Variants in PLEKHF2 observed in about 807,000 individuals in gnomAD.
PLEKHF2 encodes pleckstrin homology domain-containing family F member 2.
In PLEKHF2, 4 loss-of-function variants were observed where a neutral mutation model predicts 14.7. The ratio of observed to expected loss-of-function variants is 0.27; its 90% CI spans 0.13 to 0.62. The LOEUF (loss-of-function observed/expected upper bound fraction) is 0.62. PLEKHF2 is among the 20% of genes least tolerant of loss of function. The pLI, the probability that PLEKHF2 is intolerant of heterozygous loss-of-function variation, is 0.85. For synonymous variants in PLEKHF2, 90 were observed against 103.5 expected (o/e 0.87, Z 0.79); for missense variants, 201 against 307.7 (o/e 0.65, Z 2.60).
At position 95,154,305 on chromosome 8, in the gene PLEKHF2, T is replaced by C. The variant is rs371428417; in HGVS notation, c.261T>C (p.Ile87=). 1.2e-6 allele frequency: 2 copies of C among 1,613,988 alleles called. No individual in the cohort carries two copies. The highest frequency in any genetic ancestry group is 2.7e-5 in the African/African-American group (2 of 74,898). Residue 87 remains isoleucine, a synonymous_variant, in exon 2 of 2, where the codon ATT becomes ATC. Transcript: ENST00000315367. The surrounding 1 kb of genome is among the most constrained non-coding windows in gnomAD (Gnocchi z 5.6). The stretch of plus-strand genomic sequence containing the variant: ...TTATTCCCCTGGAAAATGTCACTAT[T>C]GATTCCATCAAAGATGAGGGAGACT... The part of the protein sequence containing the change: ...QHIIPLENVT[I]DSIKDEGDLR...
intron 1 of PLEKHF2, chr8:95,134,458 C>G (rs1208645527): frequency 6.6e-6 from 1 of 152,006 alleles, no homozygotes; most frequent in South Asian, 2.1e-4. Context: ...GTCTCAGGGT[C>G]GCGACAAATT....
chr8:95,152,543 T>C (rs532295227), intron 1 of PLEKHF2, among the ~76,000 whole-genome samples: 27 of 152,250 alleles, frequency 1.8e-4, no homozygotes, highest in Admixed American at 4.6e-4. Flanking sequence ...TATTAGCCGT[T>C]TTTATTTCCT....
chr8:95,154,455 T>C lies in PLEKHF2; in HGVS notation c.411T>C (p.Ser137=), dbSNP rs1408829941. The part of the protein sequence containing the change: ...NKCVTDLLSK[S]GKTPSNEHAA... ...GTGTTACTGATTTACTCTCCAAAAG[T>C]GGGAAGACACCCAGTAATGAACATG... is the stretch of plus-strand genomic sequence containing the variant. Residue 137 remains serine (S), a synonymous_variant, in exon 2 of 2, where the codon AGT becomes AGC. Coordinates refer to ENST00000315367, the MANE Select transcript of PLEKHF2 (RefSeq NM_024613.4). The surrounding 1 kb of genome is among the most constrained non-coding windows in gnomAD (Gnocchi z 5.6). The C allele has an allele frequency of 1.2e-6, 2 of 1,614,074 alleles. No individual in the cohort carries two copies. Among genetic ancestry groups the C allele is most frequent in the Non-Finnish European group, 8.5e-7 (1 of 1,179,934 alleles).
intron 1 of PLEKHF2, among the ~76,000 whole-genome samples, chr8:95,137,236 A>G (rs1052690331): frequency 6.6e-6 from 1 of 152,200 alleles, no homozygotes; most frequent in African/African-American, 2.4e-5. Context: ...CCAAGATTCG[A>G]TGTTTGTGGA....
At chr8:95,148,199 GT>G (rs1000612339) in intron 1 of PLEKHF2, among the ~76,000 whole-genome samples, 1 of 151,640 alleles carries the variant, frequency 6.6e-6, no homozygotes, top group South Asian at 2.1e-4. Flanking sequence ...TTCTCTTAAA[GT>G]TTTTTTTAAA....
At chr8:95,143,351 G>A (rs907062825) in intron 1 of PLEKHF2, among the ~76,000 whole-genome samples, 1 of 152,010 alleles carries the variant, frequency 6.6e-6, no homozygotes, top group Admixed American at 6.6e-5. Context: ...CGCCCGCCTC[G>A]GCCTCCCAAA....
chr8:95,135,238 A>C (rs1810363112), intron 1 of PLEKHF2, among the ~76,000 whole-genome samples: 1 of 152,214 alleles, frequency 6.6e-6, no homozygotes, highest in African/African-American at 2.4e-5. Context: ...AAATAAAGAC[A>C]TCTTGCTTTA....
Position 95,150,139 on chromosome 8 carries a change from C to T in PLEKHF2, c.-14-3892C>T, listed in dbSNP as rs374069827. 1.6e-4 allele frequency among the ~76,000 whole-genome samples: 25 copies of T among 152,114 alleles called. No individual in the cohort carries two copies. In the South Asian group the frequency reaches 5.0e-3, roughly 30 times the overall value. On this transcript the variant is annotated intron_variant, in intron 1 of 1. Coordinates refer to ENST00000315367, the MANE Select transcript of PLEKHF2 (RefSeq NM_024613.4). Reference sequence around the variant, plus strand: ...TAACCTCTCTCCACTCCTTTCTTTCCTTGCTGCCTCCTGTTTCCCTACCAC... The same window carrying T: ...TAACCTCTCTCCACTCCTTTCTTTCTTTGCTGCCTCCTGTTTCCCTACCAC...
intron 1 of PLEKHF2, among the ~76,000 whole-genome samples, chr8:95,146,268 A>G (rs771519988): frequency 2.0e-5 from 3 of 152,212 alleles, no homozygotes; most frequent in Non-Finnish European, 2.9e-5. Context: ...GTCTGAACCA[A>G]GATTAGAATC....
intron 1 of PLEKHF2, among the ~76,000 whole-genome samples, chr8:95,151,333 G>T (rs1447732202): frequency 6.6e-6 from 1 of 151,890 alleles, no homozygotes; most frequent in Non-Finnish European, 1.5e-5. Context: ...CTCAGTAGTT[G>T]ATTCAGGTGG....
chr8:95,150,682 T>G (rs575767223), intron 1 of PLEKHF2, among the ~76,000 whole-genome samples: 5 of 152,188 alleles, frequency 3.3e-5, no homozygotes, highest in Non-Finnish European at 7.4e-5. Flanking sequence ...ACCAGCTGGG[T>G]AAATCATGAC....
At position 95,154,891 on chromosome 8, in the gene PLEKHF2, C is replaced by A. The variant is rs1810599853; in HGVS notation, c.*97C>A. The A allele has an allele frequency of 2.7e-6, 4 of 1,456,122 alleles. No individual in the cohort carries two copies. The highest frequency in any genetic ancestry group is 2.7e-5 in the South Asian group (2 of 75,210). 90.2% of individuals were successfully genotyped at this position (1,456,122 alleles called of 1,614,324 possible). On this transcript the variant is annotated 3_prime_UTR_variant, in exon 2 of 2. Coordinates refer to ENST00000315367, the MANE Select transcript of PLEKHF2 (RefSeq NM_024613.4). This position sits in a 1 kb window ranked among gnomAD's most constrained non-coding sequence, Gnocchi z 5.6. ...GAGCTCTCTCTCTGTTTTGTTCTAG[C>A]CATGAATTTGCCTGAGAAACTTGTA...
At chr8:95,140,656 G>A (rs1017282863) in intron 1 of PLEKHF2, among the ~76,000 whole-genome samples, 1 of 152,080 alleles carries the variant, frequency 6.6e-6, no homozygotes, top group African/African-American at 2.4e-5. Flanking sequence ...CCAAACCCCA[G>A]ATAGTTTGAG....
rs1587300704 is a variant in PLEKHF2, at chr8:95,133,980, A to T, written c.-65A>T. On this transcript the variant is annotated 5_prime_UTR_variant, in exon 1 of 2. Coordinates refer to ENST00000315367, the MANE Select transcript of PLEKHF2 (RefSeq NM_024613.4). ...GCGCCCTGCGTCCGCGACCAGGAGG[A>T]TCGGACCTTCGCCTTCGCTGTCGCC... The T allele has an allele frequency of 6.7e-6, 1 of 150,122 alleles. No homozygotes were observed. Among genetic ancestry groups the T allele is most frequent in the Admixed American group, 6.6e-5 (1 of 15,060 alleles). The allele number at this position is 150,122 out of a possible 1,614,324, so 9.3% of individuals were successfully genotyped here.
intron 1 of PLEKHF2, among the ~76,000 whole-genome samples, chr8:95,139,217 ATG>A (rs1810412837): frequency 6.6e-6 from 1 of 152,118 alleles, no homozygotes; most frequent in Non-Finnish European, 1.5e-5. Flanking sequence ...CATATTACAA[ATG>A]TTGGCCGGGT....
Position 95,154,011 on chromosome 8 carries a change from C to T in PLEKHF2, c.-14-20C>T. The T allele has an allele frequency of 6.8e-7, 1 of 1,473,082 alleles. No individual in the cohort carries two copies. Among genetic ancestry groups the T allele is most frequent in the Non-Finnish European group, 9.0e-7 (1 of 1,106,662 alleles). The allele number at this position is 1,473,082 out of a possible 1,614,324, so 91.3% of individuals were successfully genotyped here. On this transcript the variant is annotated intron_variant, in intron 1 of 1. Transcript: ENST00000315367. The surrounding 1 kb of genome is among the most constrained non-coding windows in gnomAD (Gnocchi z 5.6). ...ATTTATAATTTATATGTGCTAATTT[C>T]TTTTTCTTTTTTTTAAAAGGCTATT...
chr8:95,150,043 T>A (rs1810539742), intron 1 of PLEKHF2, among the ~76,000 whole-genome samples: 1 of 152,112 alleles, frequency 6.6e-6, no homozygotes, highest in East Asian at 1.9e-4. Context: ...CTAATCCAGT[T>A]TACCAAAGAA....
chr8:95,134,481 G>A (rs1308394472), intron 1 of PLEKHF2: 1 of 152,198 alleles, frequency 6.6e-6, no homozygotes, highest in Admixed American at 6.5e-5. Flanking sequence ...TGGCCGAAAA[G>A]TTTGCAGGGT....
At chr8:95,143,773 G>A (rs1003092630) in intron 1 of PLEKHF2, among the ~76,000 whole-genome samples, 2 of 152,246 alleles carry the variant, frequency 1.3e-5, no homozygotes, top group Admixed American at 6.5e-5. Context: ...GGACTTGACT[G>A]TGAAGGGCTT....
Sources: gnomAD v4.1 joint callset for allele counts (sites outside exome capture counted in the v4.1 genomes callset) on GRCh38, gnomAD v4.1.1 for gene constraint, Gnocchi (gnomAD v3.1) non-coding constraint, MANE v1.5 for transcripts, NCBI Gene and HGNC (gene_info 2026-07-23, HGNC 2026-07-21) for gene names.